The following NR3C1 variants were observed in gnomAD, a reference collection of about 807,000 sequenced individuals.
The protein encoded by NR3C1 is glucocorticoid receptor.
A neutral mutation model predicts 74.0 loss-of-function variants in NR3C1; 14 were observed. The ratio of observed to expected loss-of-function variants is 0.19; its 90% CI spans 0.12 to 0.30. The LOEUF is 0.30. NR3C1 is among the 10% of genes least tolerant of loss of function. The probability of loss-of-function intolerance (pLI) is 1.00; values close to 1 mark genes in which losing one functional copy is unlikely to be tolerated. For missense variants in NR3C1, 695 were observed against 909.8 expected, an observed-to-expected ratio of 0.76 and a Z score of 3.04; for synonymous variants, 308 against 332.5, an observed-to-expected ratio of 0.93 and a Z score of 0.80.
chr5:143,400,730 G>T lies in NR3C1; in HGVS notation c.110C>A (p.Ala37Asp), dbSNP rs765396873. 2 of 1,614,172 alleles carry T rather than the reference G, an allele frequency of 1.2e-6. No individual in the cohort carries two copies. Among genetic ancestry groups the T allele is most frequent in the Non-Finnish European group, 1.7e-6 (2 of 1,180,034 alleles). ...MDFYKTLRGG[A>D]TVKVSASSPS... ...TGAAGACGCAGAAACCTTCACAGTAGCTCCTCCTCTTAGGGTTTTATAGAA... is the reference window on the plus strand; with the variant it reads ...TGAAGACGCAGAAACCTTCACAGTATCTCCTCCTCTTAGGGTTTTATAGAA... The change falls in exon 2 of 9, where the codon GCT becomes GAT. Residue 37 changes from alanine to aspartate, a missense_variant. Physicochemically the swap from Ala to Asp is moderately radical, Grantham distance 126. Transcript: ENST00000394464.
In NR3C1 at chr5:143,399,898, A is replaced by T. The variant is rs771205252; in HGVS notation, c.942T>A (p.Asn314Lys). 4.3e-6 allele frequency: 7 copies of T among 1,614,176 alleles called. No individual in the cohort carries two copies. Among genetic ancestry groups the T allele is most frequent in the Non-Finnish European group, 5.9e-6 (7 of 1,180,030 alleles). ...ASFPGANIIG[N>K]KMSAISVHGV... is the part of the protein sequence containing the mutation. ...CATGAACAGAAATGGCAGACATTTT[A>T]TTACCAATTATATTTGCTCCAGGAA... Residue 314 changes from asparagine (N) to lysine (K), a missense_variant, in exon 2 of 9, where the codon AAT becomes AAA. Physicochemically the swap from Asn to Lys is moderately conservative, Grantham distance 94. Transcript: ENST00000394464.
chr5:143,342,342 T>C (rs866308563), intron 2 of NR3C1, among the ~76,000 whole-genome samples: 24 of 152,260 alleles, frequency 1.6e-4, no homozygotes, highest in African/African-American at 5.8e-4. Flanking sequence ...TCTATTAATA[T>C]CCCCACTTAA....
chr5:143,298,290 A>G (rs1161991237), intron 6 of NR3C1, among the ~76,000 whole-genome samples: 1 of 152,208 alleles, frequency 6.6e-6, no homozygotes, highest in Non-Finnish European at 1.5e-5. Context: ...CCATCAGCCT[A>G]GATATCCTCA....
chr5:143,371,056 GTCTT>G (rs995698789), intron 2 of NR3C1, among the ~76,000 whole-genome samples: 44 of 152,262 alleles, frequency 2.9e-4, no homozygotes, highest in African/African-American at 1.0e-3. Flanking sequence ...TTTTCTATGT[GTCTT>G]TCTTTGATAT....
chr5:143,412,015 C>G (rs999989996), intron 1 of NR3C1, among the ~76,000 whole-genome samples: 1 of 151,936 alleles, frequency 6.6e-6, no homozygotes, highest in Non-Finnish European at 1.5e-5. Context: ...AGTCATCCAG[C>G]AGCTCTATGA....
In NR3C1 at chr5:143,281,822, C is replaced by CTGAT. The variant is rs1813158264; in HGVS notation, c.*63_*66dup. ...AACAACAAAACCTCTACAGGACAAA[C>CTGAT]TGATAGTTTATACAATAAAAGCTAT... On this transcript the variant is annotated 3_prime_UTR_variant, in exon 9 of 9. Transcript: ENST00000394464. The CTGAT allele has an allele frequency of 4.7e-6, 7 of 1,485,014 alleles. No homozygotes were observed. The highest frequency in any genetic ancestry group is 5.6e-6 in the Non-Finnish European group (6 of 1,066,836). 92.0% of individuals were successfully genotyped at this position (1,485,014 alleles called of 1,614,324 possible).
At chr5:143,377,908 G>A (rs1048980639) in intron 2 of NR3C1, among the ~76,000 whole-genome samples, 2 of 152,166 alleles carry the variant, frequency 1.3e-5, no homozygotes, top group African/African-American at 4.8e-5. Context: ...TATGTCTGAG[G>A]GAGCTGAAGT....
chr5:143,404,202 G>GCGC (rs997931393), upstream of NR3C1: 119 of 985,264 alleles, frequency 1.2e-4, no homozygotes, highest in East Asian at 2.3e-4. Context: ...TGAGTGGCCC[G>GCGC]CGCCGCCGCC....
chr5:143,327,149 G>A (rs1349061713), intron 2 of NR3C1, among the ~76,000 whole-genome samples: 1 of 152,140 alleles, frequency 6.6e-6, no homozygotes, highest in Admixed American at 6.5e-5. Context: ...GTTCTGCATG[G>A]CTGGGGAGGC....
upstream of NR3C1, chr5:143,404,319 G>A (rs1219601912): frequency 3.0e-6 from 3 of 985,568 alleles, no homozygotes; most frequent in East Asian, 3.4e-4. Flanking sequence ...GGCCTGACAC[G>A]CCCTCTGGGG....
intron 2 of NR3C1, among the ~76,000 whole-genome samples, chr5:143,390,593 G>A (rs946787519): frequency 6.6e-6 from 1 of 152,084 alleles, no homozygotes; most frequent in African/African-American, 2.4e-5. Flanking sequence ...CAAGAAGAGG[G>A]AATATATAAA....
intron 2 of NR3C1, among the ~76,000 whole-genome samples, chr5:143,361,998 G>T (rs1832342310): frequency 6.6e-6 from 1 of 152,146 alleles, no homozygotes; most frequent in South Asian, 2.1e-4. Context: ...CCTTGAGAGA[G>T]ACAACATTTG....
intron 2 of NR3C1, among the ~76,000 whole-genome samples, chr5:143,397,808 A>C (rs891746762): frequency 2.4e-4 from 37 of 151,958 alleles, no homozygotes; most frequent in Non-Finnish European, 5.3e-4. Flanking sequence ...TAAAAGTTAA[A>C]GCATTAAAAT....
intron 7 of NR3C1, among the ~76,000 whole-genome samples, chr5:143,285,760 G>A (rs191920786): frequency 2.3e-4 from 35 of 152,170 alleles, no homozygotes; most frequent in African/African-American, 7.5e-4. Context: ...AATGAAGACA[G>A]TGCTTAGAAA....
At chr5:143,325,970 C>A (rs943653653) in intron 2 of NR3C1, among the ~76,000 whole-genome samples, 18 of 152,154 alleles carry the variant, frequency 1.2e-4, no homozygotes, top group Non-Finnish European at 1.5e-5. Context: ...AACAAAATAT[C>A]TCTTTCACAA....
At chr5:143,379,478 A>G (rs973038615) in intron 2 of NR3C1, among the ~76,000 whole-genome samples, 8 of 152,198 alleles carry the variant, frequency 5.3e-5, no homozygotes, top group African/African-American at 1.9e-4. Flanking sequence ...TTCGGATATC[A>G]CAGAAGGATC....
chr5:143,320,804 G>C (rs1823195605), intron 2 of NR3C1, among the ~76,000 whole-genome samples: 1 of 152,206 alleles, frequency 6.6e-6, no homozygotes, highest in Non-Finnish European at 1.5e-5. Flanking sequence ...CCTAACAGCT[G>C]TATCCTTCTT....
chr5:143,334,470 T>C (rs1600068305), intron 2 of NR3C1, among the ~76,000 whole-genome samples: 3 of 152,196 alleles, frequency 2.0e-5, no homozygotes, highest in Admixed American at 6.5e-5. Flanking sequence ...GTTTTCTACA[T>C]TGGGTGCTGT....
chr5:143,283,019 TAGGACACA>T (rs1813474182), intron 7 of NR3C1, among the ~76,000 whole-genome samples: 1 of 152,090 alleles, frequency 6.6e-6, no homozygotes. Context: ...CCTGAGTAGC[TAGGACACA>T]AGCCACTGTG....
Sources: allele counts gnomAD v4.1 joint callset (sites outside exome capture counted in the v4.1 genomes callset), GRCh38; gene constraint gnomAD v4.1.1; transcripts MANE v1.5; gene names NCBI Gene and HGNC (gene_info 2026-07-23, HGNC 2026-07-21).